The following CCDC82 variants were observed in gnomAD, a reference collection of about 807,000 sequenced individuals.
The protein encoded by CCDC82 is coiled-coil domain containing 82.
Under a neutral mutation model 60.6 loss-of-function variants are expected in CCDC82, and 47 were observed. The ratio of observed to expected loss-of-function variants is 0.77; its 90% CI spans 0.61 to 0.99. CCDC82 has a LOEUF of 0.99. CCDC82 is among the 50% of genes least tolerant of loss of function. The probability of loss-of-function intolerance (pLI) is 0.00; values close to 1 mark genes in which losing one functional copy is unlikely to be tolerated. For missense variants in CCDC82, 588 were observed against 633.0 expected, an observed-to-expected ratio of 0.93 and a Z score of 0.76; for synonymous variants, 212 against 207.4, an observed-to-expected ratio of 1.02 and a Z score of -0.19.
At chr11:96,357,376 A>G in intron 9 of CCDC82, 2 of 985,252 alleles carry the variant, frequency 2.0e-6, no homozygotes, top group Non-Finnish European at 2.4e-6. Context: ...AAATACCTTC[A>G]ATGCCTAATG....
intron 6 of CCDC82, 97 bp downstream of exon 6, chr11:96,373,278 T>C (rs1445694928): frequency 1.1e-5 from 8 of 697,396 alleles, no homozygotes; most frequent in Admixed American, 1.1e-4. Context: ...ATGATCCTCA[T>C]TGGTTTTGTT....
Position 96,371,157 on chromosome 11 carries a change from C to G in CCDC82, c.1085-20G>C. 1 of 1,448,508 alleles carries G rather than the reference C, an allele frequency of 6.9e-7. No homozygotes were observed. The allele number at this position is 1,448,508 out of a possible 1,614,324, so 89.7% of individuals were successfully genotyped here. On this transcript the variant is annotated intron_variant, in intron 6 of 9. Coordinates refer to ENST00000646818, the MANE Select transcript of CCDC82 (RefSeq NM_024725.4). ...TGCCATCTGTTCAGGGGATAAACAA[C>G]AAAAAAAATCATTTTGTTAATTAGA...
rs952968048 is a variant in CCDC82, at chr11:96,377,936, T to A, written c.992-4469A>T. ...TGAATTCATATCTTATGTTTTCCCATCCAAAAATATGGTATGATTTTTAGT... is the reference window on the plus strand; with the variant it reads ...TGAATTCATATCTTATGTTTTCCCAACCAAAAATATGGTATGATTTTTAGT... On this transcript the variant is annotated intron_variant, in intron 5 of 9. Coordinates refer to ENST00000646818, the MANE Select transcript of CCDC82 (RefSeq NM_024725.4). Among the ~76,000 whole-genome samples, 3 of 152,060 alleles carry A rather than the reference T, an allele frequency of 2.0e-5. No individual in the cohort carries two copies. The South Asian group carries it at 6.2e-4, about 31-fold the overall frequency.
At chr11:96,362,890 A>G (rs2136090727) in intron 8 of CCDC82, among the ~76,000 whole-genome samples, 1 of 152,312 alleles carries the variant, frequency 6.6e-6, no homozygotes, top group South Asian at 2.1e-4. Context: ...AACTGCAAGC[A>G]GCAACACAAA....
chr11:96,357,343 T>C, intron 9 of CCDC82: 1 of 985,258 alleles, frequency 1.0e-6, no homozygotes, highest in Non-Finnish European at 1.2e-6. Context: ...ATGTGTATAC[T>C]GTCCTAGACA....
chr11:96,357,299 A>T (rs1864397075), intron 9 of CCDC82: 1 of 985,338 alleles, frequency 1.0e-6, no homozygotes, highest in Non-Finnish European at 1.2e-6. Flanking sequence ...ATCTCAAAAA[A>T]ATGAAGGTCT....
chr11:96,357,348 T>C (rs1382787077), intron 9 of CCDC82: 2 of 985,150 alleles, frequency 2.0e-6, no homozygotes, highest in Non-Finnish European at 2.4e-6. Context: ...TATACTGTCC[T>C]AGACATGCAC....
intron 3 of CCDC82, chr11:96,385,633 C>T (rs1866151466): frequency 6.6e-6 from 1 of 152,084 alleles, no homozygotes; most frequent in Non-Finnish European, 1.5e-5. Flanking sequence ...GAAAACTTAA[C>T]TAACAATCCA....
intron 6 of CCDC82, among the ~76,000 whole-genome samples, chr11:96,372,644 A>G (rs1310444282): frequency 1.4e-5 from 2 of 145,860 alleles, no homozygotes; most frequent in South Asian, 2.1e-4. Flanking sequence ...AAATATAAAT[A>G]TATATATAAA....
intron 8 of CCDC82, chr11:96,363,434 T>A (rs1163100754): frequency 6.6e-6 from 1 of 152,240 alleles, no homozygotes; most frequent in Non-Finnish European, 1.5e-5. Flanking sequence ...AAAAATTTAA[T>A]CACACTCTCT....
At chr11:96,373,579 G>T in intron 5 of CCDC82, 112 bp from the exon 6 acceptor site, 1 of 595,780 alleles carries the variant, frequency 1.7e-6, no homozygotes, top group South Asian at 2.3e-5. Context: ...AGCACAAACA[G>T]CTTAATCATC....
At chr11:96,358,899 TA>T (rs1286353698) in intron 9 of CCDC82, 93 bp downstream of exon 9, 1 of 1,158,628 alleles carries the variant, frequency 8.6e-7, no homozygotes, top group Admixed American at 2.6e-5. Context: ...GAGATTCTCT[TA>T]AATTTCACTA....
chr11:96,384,426 T>TTCA lies in CCDC82; in HGVS notation c.321_322insTGA (p.Ser107_Thr108insTer). The TTCA allele has an allele frequency of 2.5e-6, 4 of 1,613,854 alleles. No individual in the cohort carries two copies. The highest frequency in any genetic ancestry group is 2.5e-6 in the Non-Finnish European group (3 of 1,179,826). ...ATTTTGTTCGTTTCTTCTTCATATG[T>TTCA]TGAACCGTTGCCAGAGTTAATGAGA... On this transcript the variant is annotated stop_gained and inframe_insertion, in exon 4 of 10. Coordinates refer to ENST00000646818, the MANE Select transcript of CCDC82 (RefSeq NM_024725.4). LOFTEE classifies it high-confidence loss of function.
intron 5 of CCDC82, among the ~76,000 whole-genome samples, chr11:96,373,701 C>G (rs369981033): frequency 6.6e-6 from 1 of 152,084 alleles, no homozygotes; most frequent in African/African-American, 2.4e-5. Flanking sequence ...ATCTTTACTT[C>G]CCAAACTTAA....
intron 1 of CCDC82, chr11:96,389,120 G>C (rs2136234166): frequency 6.6e-6 from 1 of 152,310 alleles, no homozygotes; most frequent in African/African-American, 2.4e-5. Context: ...GACAGAACAT[G>C]ACAGAAATAG....
intron 3 of CCDC82, chr11:96,385,697 G>A (rs1328414355): frequency 6.6e-6 from 1 of 152,116 alleles, no homozygotes; most frequent in African/African-American, 2.4e-5. Context: ...GCAGAGCATA[G>A]TATTGGGAAG....
In CCDC82 at chr11:96,384,200, T is replaced by C; in HGVS notation, c.548A>G (p.Lys183Arg). Residue 183 changes from lysine to arginine, a missense_variant, in exon 4 of 10, where the codon AAA (lysine) becomes AGA (arginine). Transcript: ENST00000646818. ...EEEDIKRGKR[K>R]RLSSVMCDSD... Reference sequence around the variant, plus strand: ...GTCACACATCACAGAGGATAGCCTTTTTCTTTTTCCTCGCTTGATGTCTTC... The same window carrying C: ...GTCACACATCACAGAGGATAGCCTTCTTCTTTTTCCTCGCTTGATGTCTTC... 6.2e-7 allele frequency: 1 copy of C among 1,613,898 alleles called. No individual in the cohort carries two copies. The highest frequency in any genetic ancestry group is 8.5e-7 in the Non-Finnish European group (1 of 1,179,886).
rs189574754 is a variant in CCDC82 at position 96,352,907 on chromosome 11, A to G, written c.*739T>C. On this transcript the variant is annotated 3_prime_UTR_variant, in exon 10 of 10. Coordinates refer to ENST00000646818, the MANE Select transcript of CCDC82 (RefSeq NM_024725.4). ...TTCAGCAGTTCTGACCCTAAGATAC[A>G]TACTTATATGGAAAAAGCTATGGAT... 3 of 152,368 alleles carry G rather than the reference A, an allele frequency of 2.0e-5. No individual in the cohort carries two copies. The East Asian group carries it at 5.8e-4, about 29-fold the overall frequency. The allele number at this position is 152,368 out of a possible 1,614,324, so 9.4% of individuals were successfully genotyped here. A position where few individuals can be genotyped will look rare whatever the true frequency, so the allele number is the denominator to read the frequency against.
intron 7 of CCDC82, among the ~76,000 whole-genome samples, chr11:96,365,418 ACTT>A (rs1864895281): frequency 6.6e-6 from 1 of 152,152 alleles, no homozygotes. Flanking sequence ...TGCGGTTGCT[ACTT>A]CTTTTCCATT....
Sources: gnomAD v4.1 joint callset for allele counts (sites outside exome capture counted in the v4.1 genomes callset) on GRCh38, gnomAD v4.1.1 for gene constraint, MANE v1.5 for transcripts, NCBI Gene and HGNC (gene_info 2026-07-23, HGNC 2026-07-21) for gene names.